The following SH3GL3 variants were observed in gnomAD, a reference collection of about 807,000 sequenced individuals.
The protein encoded by SH3GL3 is SH3 domain containing GRB2 like 3, endophilin A3.
Under a neutral mutation model 47.7 loss-of-function variants are expected in SH3GL3, and 33 were observed. The ratio of observed to expected loss-of-function variants is 0.69; its 90% CI spans 0.52 to 0.92. SH3GL3 has a LOEUF of 0.92. Among genes scored for constraint, SH3GL3 ranks in the 40% least tolerant of loss-of-function variants. The pLI, the probability that SH3GL3 is intolerant of heterozygous loss-of-function variation, is 0.00. For synonymous variants in SH3GL3, 155 were observed against 148.8 expected, an observed-to-expected ratio of 1.04 and a Z score of -0.30; for missense variants, 363 against 417.8, an observed-to-expected ratio of 0.87 and a Z score of 1.14.
intron 1 of SH3GL3, among the ~76,000 whole-genome samples, chr15:83,478,494 G>A (rs905538783): frequency 3.3e-5 from 5 of 152,288 alleles, no homozygotes; most frequent in Admixed American, 2.6e-4. Context: ...GGTTTGTGCC[G>A]CTTACAAATT....
intron 1 of SH3GL3, among the ~76,000 whole-genome samples, chr15:83,500,651 T>C (rs1001216392): frequency 2.0e-5 from 3 of 152,230 alleles, no homozygotes; most frequent in Non-Finnish European, 4.4e-5. Flanking sequence ...TGGGAGAGGA[T>C]AGGATGGCAC....
At chr15:83,593,932 C>T (rs1342435633) in intron 8 of SH3GL3, among the ~76,000 whole-genome samples, 11 of 152,142 alleles carry the variant, frequency 7.2e-5, no homozygotes, top group Non-Finnish European at 1.6e-4. Flanking sequence ...GATCCTCCCA[C>T]GTTAGCCTCC....
chr15:83,477,601 G>A (rs2041156647), intron 1 of SH3GL3, among the ~76,000 whole-genome samples: 1 of 152,148 alleles, frequency 6.6e-6, no homozygotes, highest in African/African-American at 2.4e-5. Flanking sequence ...CAATAGTAAT[G>A]GAATGTTTTG....
chr15:83,604,115 C>T (rs2060457589), intron 8 of SH3GL3, among the ~76,000 whole-genome samples: 1 of 151,876 alleles, frequency 6.6e-6, no homozygotes, highest in Non-Finnish European at 1.5e-5. Flanking sequence ...CATTGCACTC[C>T]AGGCTGGGCA....
At chr15:83,494,881 GAC>G (rs1380136751) in intron 1 of SH3GL3, among the ~76,000 whole-genome samples, 2 of 150,946 alleles carry the variant, frequency 1.3e-5, no homozygotes, top group African/African-American at 4.9e-5. Flanking sequence ...CAACCTGATT[GAC>G]AGTTTGTCCT....
At chr15:83,500,882 A>G (rs1419466974) in intron 1 of SH3GL3, among the ~76,000 whole-genome samples, 2 of 152,162 alleles carry the variant, frequency 1.3e-5, no homozygotes, top group African/African-American at 4.8e-5. Flanking sequence ...CTGGGCTAGT[A>G]ACTCGCACAA....
At chr15:83,491,053 A>T in intron 1 of SH3GL3, 1 of 1,371,482 alleles carries the variant, frequency 7.3e-7, no homozygotes, top group Non-Finnish European at 9.8e-7. Context: ...GTGATGATTG[A>T]CAAAGACCTA....
intron 1 of SH3GL3, among the ~76,000 whole-genome samples, chr15:83,501,923 C>T (rs908242080): frequency 6.6e-6 from 1 of 152,056 alleles, no homozygotes; most frequent in Admixed American, 6.6e-5. Context: ...GACTTACTGG[C>T]TTCTTTTTAG....
chr15:83,597,206 C>T (rs112126585), intron 8 of SH3GL3, among the ~76,000 whole-genome samples: 1,577 of 152,268 alleles, frequency 0.01, 30 homozygotes, highest in African/African-American at 0.034. Context: ...TGCCTCATTG[C>T]CCCTTGCTCC....
rs1476244412 is a variant in SH3GL3 at position 83,618,463 on chromosome 15, G to T, written c.*176G>T. The T allele has an allele frequency of 1.8e-5, 10 of 551,744 alleles. No individual in the cohort carries two copies. The Admixed American group carries it at 3.0e-4, about 17-fold the overall frequency. The allele number at this position is 551,744 out of a possible 1,614,324, so 34.2% of individuals were successfully genotyped here. On this transcript the variant is annotated 3_prime_UTR_variant, in exon 9 of 9. Transcript: ENST00000427482. ...TTTAATTTGTATAAATGATTTTCTT[G>T]TCCTTGCTACATGAAAATATTTTCT...
intron 8 of SH3GL3, among the ~76,000 whole-genome samples, chr15:83,593,398 A>C (rs79766886): frequency 0.12 from 17,577 of 152,242 alleles, 1,163 homozygotes; most frequent in Admixed American, 0.2. Context: ...CTATTTTTAG[A>C]ATATATACAG....
chr15:83,553,586 C>A (rs1270692169), intron 1 of SH3GL3, among the ~76,000 whole-genome samples: 1 of 152,078 alleles, frequency 6.6e-6, no homozygotes, highest in East Asian at 1.9e-4. Flanking sequence ...TTATAACATG[C>A]ATAGTTCTAT....
At chr15:83,588,313 T>A (rs2060004408) in intron 7 of SH3GL3, among the ~76,000 whole-genome samples, 1 of 152,066 alleles carries the variant, frequency 6.6e-6, no homozygotes, top group African/African-American at 2.4e-5. Flanking sequence ...GTATTTTTCG[T>A]AGAGATGGGG....
intron 1 of SH3GL3, among the ~76,000 whole-genome samples, chr15:83,467,643 T>C (rs528978136): frequency 6.6e-6 from 1 of 152,370 alleles, no homozygotes; most frequent in South Asian, 2.1e-4. Context: ...TTGATATGTT[T>C]CCTGTTGTAA....
At chr15:83,506,593 A>T (rs2042514976) in intron 1 of SH3GL3, among the ~76,000 whole-genome samples, 1 of 152,070 alleles carries the variant, frequency 6.6e-6, no homozygotes. Context: ...TATTAACATA[A>T]TTATTTTTGG....
intron 8 of SH3GL3, among the ~76,000 whole-genome samples, chr15:83,603,628 A>G (rs1210556297): frequency 6.6e-6 from 1 of 152,200 alleles, no homozygotes; most frequent in African/African-American, 2.4e-5. Flanking sequence ...CCAATGCATT[A>G]GGAACCAACC....
At chr15:83,549,709 T>C (rs1336310780) in intron 1 of SH3GL3, among the ~76,000 whole-genome samples, 1 of 152,218 alleles carries the variant, frequency 6.6e-6, no homozygotes, top group African/African-American at 2.4e-5. Context: ...TGAACATAGC[T>C]TGTCAGGTTT....
chr15:83,613,124 G>A (rs1323643148), intron 8 of SH3GL3, among the ~76,000 whole-genome samples: 1 of 152,208 alleles, frequency 6.6e-6, no homozygotes, highest in Non-Finnish European at 1.5e-5. Context: ...CCGGCTGCAT[G>A]TATAATTCAG....
intron 1 of SH3GL3, among the ~76,000 whole-genome samples, chr15:83,479,441 T>G (rs754182205): frequency 1.3e-5 from 2 of 151,962 alleles, no homozygotes; most frequent in Non-Finnish European, 2.9e-5. Flanking sequence ...CCAATCAAGG[T>G]GCACTATTAA....
Sources: gnomAD v4.1 joint callset for allele counts (sites outside exome capture counted in the v4.1 genomes callset) on GRCh38, gnomAD v4.1.1 for gene constraint, MANE v1.5 for transcripts, NCBI Gene and HGNC (gene_info 2026-07-23, HGNC 2026-07-21) for gene names.